The following BLNK variants were observed in gnomAD, a reference collection of about 807,000 sequenced individuals.
BLNK encodes the protein B-cell linker protein.
Under a neutral mutation model 73.5 loss-of-function variants are expected in BLNK, and 29 were observed. The observed-to-expected ratio is 0.39, with a 90% CI of 0.29 to 0.54. BLNK has a LOEUF of 0.54. Ranked by LOEUF, BLNK falls within the 20% of genes least tolerant of loss-of-function variation. The probability of loss-of-function intolerance (pLI) is 0.61; values close to 1 mark genes in which losing one functional copy is unlikely to be tolerated. For synonymous variants in BLNK, 176 were observed against 200.8 expected, an observed-to-expected ratio of 0.88 and a Z score of 1.04; for missense variants, 460 against 562.8, an observed-to-expected ratio of 0.82 and a Z score of 1.85.
intron 5 of BLNK, among the ~76,000 whole-genome samples, chr10:96,226,126 A>G (rs991792275): frequency 1.3e-5 from 2 of 152,186 alleles, no homozygotes; most frequent in Non-Finnish European, 2.9e-5. Context: ...CAGCTCCATC[A>G]CTTAGAGGAT....
At chr10:96,270,454 G>C (rs963033807) in intron 1 of BLNK, among the ~76,000 whole-genome samples, 1 of 152,074 alleles carries the variant, frequency 6.6e-6, no homozygotes, top group Non-Finnish European at 1.5e-5. Context: ...ATCACACACC[G>C]GGGCCTGTCA....
At chr10:96,223,690 T>G in intron 6 of BLNK, 136 bp downstream of exon 6, 2 of 1,038,838 alleles carry the variant, frequency 1.9e-6, no homozygotes, top group Non-Finnish European at 2.9e-6. Context: ...GTCCCTTTGG[T>G]ATAATAGTGG....
In BLNK at chr10:96,227,421, C is replaced by T. The variant is rs782377469; in HGVS notation, c.350G>A (p.Gly117Asp). Residue 117 changes from glycine to aspartate, a missense_variant, in exon 5 of 17, where the codon GGC becomes GAC. By Grantham distance (94) the Gly-to-Asp change is moderately conservative. Around this residue, in one of 3 missense-constraint regions of BLNK, gnomAD observed 139 missense variants for 187.3 expected, o/e 0.74. Transcript: ENST00000224337. Reference sequence around the variant, plus strand: ...GCGGGGGACCTCACCTATATACTCGCCTCTGGCGAAGGGCAGGGCTGGGTG... The same window carrying T: ...GCGGGGGACCTCACCTATATACTCGTCTCTGGCGAAGGGCAGGGCTGGGTG... ...PVHPALPFAR[G>D]EYIDNRSSQR... 1 of 1,613,878 alleles carries T rather than the reference C, an allele frequency of 6.2e-7. No individual in the cohort carries two copies. Among genetic ancestry groups the T allele is most frequent in the Non-Finnish European group, 8.5e-7 (1 of 1,180,054 alleles).
chr10:96,212,941 A>T (rs1311691599), intron 8 of BLNK, among the ~76,000 whole-genome samples: 1 of 152,166 alleles, frequency 6.6e-6, no homozygotes, highest in Non-Finnish European at 1.5e-5. Flanking sequence ...CCCTTCCTGT[A>T]GGTACTCCCA....
At chr10:96,215,295 C>A in intron 8 of BLNK, 26 bp downstream of exon 8, 1 of 1,608,966 alleles carries the variant, frequency 6.2e-7, no homozygotes, top group Admixed American at 1.7e-5. Context: ...GACGTAAAAC[C>A]AAACCAAATC....
intron 6 of BLNK, among the ~76,000 whole-genome samples, chr10:96,221,255 G>A (rs1477244891): frequency 6.6e-6 from 1 of 152,190 alleles, no homozygotes; most frequent in Non-Finnish European, 1.5e-5. Context: ...TTCTCCAAGT[G>A]TTAGCCTCTC....
intron 1 of BLNK, among the ~76,000 whole-genome samples, chr10:96,251,885 C>T (rs1843299443): frequency 6.6e-6 from 1 of 152,028 alleles, no homozygotes; most frequent in Non-Finnish European, 1.5e-5. Flanking sequence ...GTAGAAAAGT[C>T]ACCATTTGAA....
chr10:96,252,360 C>T (rs1843321531), intron 1 of BLNK, among the ~76,000 whole-genome samples: 1 of 152,322 alleles, frequency 6.6e-6, no homozygotes, highest in Middle Eastern at 3.4e-3. Flanking sequence ...TCCTGCATTT[C>T]TAACAAATTC....
At chr10:96,196,774 C>G in intron 16 of BLNK, 134 bp downstream of exon 16, 1 of 874,188 alleles carries the variant, frequency 1.1e-6, no homozygotes, top group Non-Finnish European at 1.8e-6. Flanking sequence ...ATCTTGTTCT[C>G]TATGACATTT....
chr10:96,246,490 T>G (rs1843049831), intron 2 of BLNK, among the ~76,000 whole-genome samples: 1 of 152,150 alleles, frequency 6.6e-6, no homozygotes, highest in Non-Finnish European at 1.5e-5. Context: ...AGGCAGAGGT[T>G]GCGGTGAGCT....
At chr10:96,206,605 C>T (rs1447532135) in intron 11 of BLNK, among the ~76,000 whole-genome samples, 2 of 146,834 alleles carry the variant, frequency 1.4e-5, no homozygotes, top group Non-Finnish European at 3.0e-5. Context: ...AGAAGACAGA[C>T]AATTGAACTT....
intron 3 of BLNK, among the ~76,000 whole-genome samples, chr10:96,235,910 G>A (rs1554904991): frequency 6.6e-6 from 1 of 152,016 alleles, no homozygotes. Context: ...CTGCCGGCCA[G>A]TGGGGGCTCC....
At chr10:96,259,427 G>A (rs913266238) in intron 1 of BLNK, among the ~76,000 whole-genome samples, 14 of 152,226 alleles carry the variant, frequency 9.2e-5, no homozygotes, top group Non-Finnish European at 1.9e-4. Context: ...ATGCGGTAGC[G>A]GCCCTCTGGG....
chr10:96,259,133 G>T (rs989224801), intron 1 of BLNK, among the ~76,000 whole-genome samples: 1 of 152,176 alleles, frequency 6.6e-6, no homozygotes, highest in Non-Finnish European at 1.5e-5. Flanking sequence ...CAGGGCAGGC[G>T]ACTGGCTTCA....
At chr10:96,247,118 C>A (rs1591354508) in intron 1 of BLNK, 69 bp from the exon 2 acceptor site, 3 of 1,086,124 alleles carry the variant, frequency 2.8e-6, no homozygotes, top group Non-Finnish European at 4.1e-6. Flanking sequence ...GTCTCCTACT[C>A]TTCTCGAATA....
chr10:96,192,157 C>G (rs2133908623), intron 16 of BLNK, 65 bp from the exon 17 acceptor site: 1 of 1,592,172 alleles, frequency 6.3e-7, no homozygotes, highest in Non-Finnish European at 8.6e-7. Flanking sequence ...CTCCACTCCT[C>G]CCATCTTCTC....
At chr10:96,232,789 G>A (rs1554904299) in intron 3 of BLNK, among the ~76,000 whole-genome samples, 2 of 151,326 alleles carry the variant, frequency 1.3e-5, no homozygotes, top group African/African-American at 4.9e-5. Flanking sequence ...GGCACAATGG[G>A]GGAGTATGTT....
chr10:96,201,748 A>G (rs2083645911), intron 13 of BLNK, among the ~76,000 whole-genome samples: 1 of 152,020 alleles, frequency 6.6e-6, no homozygotes, highest in Admixed American at 6.6e-5. Flanking sequence ...GCATTCATTC[A>G]TTCATTCATT....
At chr10:96,233,595 C>T (rs1187683810) in intron 3 of BLNK, among the ~76,000 whole-genome samples, 1 of 152,220 alleles carries the variant, frequency 6.6e-6, no homozygotes, top group Non-Finnish European at 1.5e-5. Flanking sequence ...ATTCTCTGCT[C>T]TGCTCGTGCC....
Sources: gnomAD v4.1 joint callset for allele counts (sites outside exome capture counted in the v4.1 genomes callset) on GRCh38, gnomAD v4.1.1 for gene constraint, gnomAD v4.1.1 regional missense constraint, MANE v1.5 for transcripts, NCBI Gene and HGNC (gene_info 2026-07-23, HGNC 2026-07-21) for gene names.